Variants in PBX1 observed in about 807,000 individuals in gnomAD.
PBX1 encodes the protein pre-B-cell leukemia transcription factor 1.
A neutral mutation model predicts 53.4 loss-of-function variants in PBX1; 6 were observed. The observed-to-expected ratio is 0.11, with a 90% CI of 0.06 to 0.22. The LOEUF is 0.22. Ranked by LOEUF, PBX1 falls within the 10% of genes least tolerant of loss-of-function variation. The pLI, the probability that PBX1 is intolerant of heterozygous loss-of-function variation, is 1.00. For missense variants in PBX1, 251 were observed against 551.4 expected, an observed-to-expected ratio of 0.46 and a Z score of 5.46; for synonymous variants, 204 against 212.3, an observed-to-expected ratio of 0.96 and a Z score of 0.34.
At chr1:164,809,278 G>A (rs1210561518) in intron 5 of PBX1, among the ~76,000 whole-genome samples, 3 of 152,052 alleles carry the variant, frequency 2.0e-5, no homozygotes, top group Non-Finnish European at 4.4e-5. Flanking sequence ...ATCTGTTCCC[G>A]CAACCTTCAC....
At position 164,592,568 on chromosome 1, in the gene PBX1, C is replaced by T. The variant is rs1655466940; in HGVS notation, c.265+29257C>T. 2.0e-5 allele frequency among the ~76,000 whole-genome samples: 3 copies of T among 152,162 alleles called. No homozygotes were observed. The South Asian group carries it at 6.2e-4, about 31-fold the overall frequency. On this transcript the variant is annotated intron_variant, in intron 2 of 8. Coordinates refer to ENST00000420696, the MANE Select transcript of PBX1 (RefSeq NM_002585.4). ...CTGAGCAGAGTCTGAGGGTGCTGGC[C>T]CTGGCCACAGAGGCTTTGGGGCAGA...
intron 2 of PBX1, among the ~76,000 whole-genome samples, chr1:164,768,419 G>T (rs1667183349): frequency 6.6e-6 from 1 of 152,168 alleles, no homozygotes; most frequent in South Asian, 2.1e-4. Context: ...CCTCAACCTT[G>T]CAGGAACCCA....
chr1:164,573,293 A>T (rs1270400848), intron 2 of PBX1, among the ~76,000 whole-genome samples: 1 of 152,028 alleles, frequency 6.6e-6, no homozygotes, highest in Non-Finnish European at 1.5e-5. Context: ...ATTTTTTAGT[A>T]GCCCCATTTA....
intron 8 of PBX1, among the ~76,000 whole-genome samples, chr1:164,844,175 T>TA (rs1164729318): frequency 1.3e-5 from 2 of 148,792 alleles, no homozygotes; most frequent in African/African-American, 2.5e-5. Context: ...CTTAAAAACT[T>TA]AAAAAAAAAG....
chr1:164,669,863 G>C (rs1661020236), intron 2 of PBX1, among the ~76,000 whole-genome samples: 1 of 152,138 alleles, frequency 6.6e-6, no homozygotes, highest in South Asian at 2.1e-4. Context: ...GTTGGTTCTT[G>C]TTTTGTGTAT....
intron 2 of PBX1, among the ~76,000 whole-genome samples, chr1:164,601,189 T>G (rs1349172360): frequency 1.4e-5 from 2 of 144,566 alleles, no homozygotes; most frequent in African/African-American, 2.7e-5. Context: ...TGAGCCGAGA[T>G]TGTGCCATTG....
chr1:164,804,936 T>C (rs2102331109), intron 4 of PBX1, among the ~76,000 whole-genome samples: 1 of 152,316 alleles, frequency 6.6e-6, no homozygotes, highest in East Asian at 1.9e-4. Flanking sequence ...GGAAACAGTT[T>C]GTTTGAAGAT....
intron 2 of PBX1, among the ~76,000 whole-genome samples, chr1:164,586,964 T>G (rs1013749134): frequency 6.6e-6 from 1 of 152,130 alleles, no homozygotes; most frequent in Admixed American, 6.5e-5. Context: ...GAATGAGATT[T>G]GAATGTCGAC....
chr1:164,849,124 G>T lies in PBX1; in HGVS notation c.*2448G>T. 7.3e-7 allele frequency: 1 copy of T among 1,368,408 alleles called. No individual in the cohort carries two copies. Among genetic ancestry groups the T allele is most frequent in the Non-Finnish European group, 9.4e-7 (1 of 1,059,914 alleles). 84.8% of individuals were successfully genotyped at this position (1,368,408 alleles called of 1,614,324 possible). A position where few individuals can be genotyped will look rare whatever the true frequency, so the allele number is the denominator to read the frequency against. ...GTTGAATCACATTTGCTTGACTTAGGGCAAAGTACGAAAGAGAGACAAAAG... is the reference window on the plus strand; with the variant it reads ...GTTGAATCACATTTGCTTGACTTAGTGCAAAGTACGAAAGAGAGACAAAAG... On this transcript the variant is annotated 3_prime_UTR_variant, in exon 9 of 9. Coordinates refer to ENST00000420696, the MANE Select transcript of PBX1 (RefSeq NM_002585.4).
In PBX1 at chr1:164,799,687, C is replaced by T; in HGVS notation, c.511-12C>T. 11 of 1,605,248 alleles carry T rather than the reference C, an allele frequency of 6.9e-6. No homozygotes were observed. Among genetic ancestry groups the T allele is most frequent in the Non-Finnish European group, 9.4e-6 (11 of 1,173,188 alleles). ...ACCCTCAATGACGGTGTTGATTGTC[C>T]TGCCATTCCAGGCCTGCAACGAGTT... On this transcript the variant is annotated splice_polypyrimidine_tract_variant and intron_variant, in intron 3 of 8. Transcript: ENST00000420696.
At chr1:164,774,844 C>T (rs537598054) in intron 2 of PBX1, among the ~76,000 whole-genome samples, 10 of 152,290 alleles carry the variant, frequency 6.6e-5, no homozygotes, top group Non-Finnish European at 1.0e-4. Context: ...GTGCCAACAA[C>T]CCATGGCCCA....
intron 1 of PBX1, among the ~76,000 whole-genome samples, chr1:164,561,150 A>G (rs576941455): frequency 4.9e-4 from 74 of 152,334 alleles, no homozygotes; most frequent in African/African-American, 1.7e-3. Context: ...TCTCCGAAGT[A>G]GCGTTTTTCT....
At chr1:164,799,586 TTTTC>T in intron 3 of PBX1, 109 bp from the exon 4 acceptor site, 2 of 892,830 alleles carry the variant, frequency 2.2e-6, no homozygotes, top group East Asian at 5.0e-5. Flanking sequence ...ACTATCCTAG[TTTTC>T]TTTATTTGCA....
At position 164,849,367 on chromosome 1, in the gene PBX1, C is replaced by T. The variant is rs1000060382; in HGVS notation, c.*2691C>T. ...CCTCCCCCGGCACCCCCGGCAAGCC[C>T]ACTATCACTTCCGACTTCCAACGTG... On this transcript the variant is annotated 3_prime_UTR_variant, in exon 9 of 9. Transcript: ENST00000420696. 14 of 1,535,588 alleles carry T rather than the reference C, an allele frequency of 9.1e-6. No homozygotes were observed. Among genetic ancestry groups the T allele is most frequent in the Non-Finnish European group, 4.4e-6 (5 of 1,146,820 alleles).
intron 7 of PBX1, 79 bp from the exon 8 acceptor site, chr1:164,821,458 G>A (rs1670148750): frequency 1.9e-6 from 2 of 1,062,832 alleles, no homozygotes; most frequent in Admixed American, 3.4e-5. Context: ...CCAAATGGTG[G>A]CCTGCCTGAT....
At chr1:164,603,928 C>CCTTTTT (rs1557885817) in intron 2 of PBX1, among the ~76,000 whole-genome samples, 1 of 48,730 alleles carries the variant, frequency 2.1e-5, no homozygotes, top group Non-Finnish European at 3.7e-5. Context: ...TATGTCATTT[C>CCTTTTT]ATTTTTTTTT....
chr1:164,763,577 A>G (rs1666915974), intron 2 of PBX1, among the ~76,000 whole-genome samples: 1 of 152,218 alleles, frequency 6.6e-6, no homozygotes, highest in Non-Finnish European at 1.5e-5. Flanking sequence ...GCTACAGCCT[A>G]CAGATTTTCC....
chr1:164,609,347 TGTTA>T (rs1375443696), intron 2 of PBX1, among the ~76,000 whole-genome samples: 1 of 152,150 alleles, frequency 6.6e-6, no homozygotes, highest in Non-Finnish European at 1.5e-5. Context: ...TGCTTCAGCA[TGTTA>T]GGCACATTTT....
chr1:164,870,293 C>CTT lies in PBX1; in HGVS notation n.258-28893_258-28892dup, dbSNP rs1571547019. 1.2e-3 allele frequency among the ~76,000 whole-genome samples: 49 copies of CTT among 40,654 alleles called. 1 individual carries two copies. The highest frequency in any genetic ancestry group is 7.0e-3 in the Admixed American group (26 of 3,740). The allele number at this position is 40,654 out of a possible 152,430, so 26.7% of individuals were successfully genotyped here. A position where few individuals can be genotyped will look rare whatever the true frequency, so the allele number is the denominator to read the frequency against. On this transcript the variant is annotated intron_variant and non_coding_transcript_variant, in intron 2 of 2. Coordinates refer to the PBX1 transcript ENST00000558796. ...TCTTTCTTTCTTTCTTTCTTTCTTT[C>CTT]TTTCTTTCTTTCTTTCTTTCTTTCT...
Sources: gnomAD v4.1 joint callset for allele counts (sites outside exome capture counted in the v4.1 genomes callset) on GRCh38, gnomAD v4.1.1 for gene constraint, MANE v1.5 for transcripts, NCBI Gene and HGNC (gene_info 2026-07-23, HGNC 2026-07-21) for gene names.